The following MYH8 variants were observed in gnomAD, a reference collection of about 807,000 sequenced individuals.
MYH8 encodes the protein myosin heavy chain 8.
MYH8 carries 168 observed loss-of-function variants against 233.2 expected under a neutral mutation model. That is an observed-to-expected ratio of 0.72 (90% CI 0.64 to 0.82). MYH8 has a LOEUF of 0.82. MYH8 is among the 40% of genes least tolerant of loss of function. The probability of loss-of-function intolerance (pLI) is 0.00; values close to 1 mark genes in which losing one functional copy is unlikely to be tolerated. For missense variants in MYH8, 1,995 were observed against 2,327.8 expected, an observed-to-expected ratio of 0.86 and a Z score of 2.94; for synonymous variants, 785 against 850.6, an observed-to-expected ratio of 0.92 and a Z score of 1.34.
At position 10,419,124 on chromosome 17, in the gene MYH8, C is replaced by A; in HGVS notation, c.211-94G>T. On this transcript the variant is annotated intron_variant, in intron 3 of 39. Transcript: ENST00000403437. The surrounding 1 kb of genome is among the most constrained non-coding windows in gnomAD (Gnocchi z 4.0). ...CCAGGCTGGAGTGCAGTGGCGCGATCTCAGCTCACTGCAACCTCCGCCCTC... is the reference window on the plus strand; with the variant it reads ...CCAGGCTGGAGTGCAGTGGCGCGATATCAGCTCACTGCAACCTCCGCCCTC... The A allele has an allele frequency of 7.1e-7, 1 of 1,404,600 alleles. No homozygotes were observed. Among genetic ancestry groups the A allele is most frequent in the Non-Finnish European group, 1.0e-6 (1 of 1,004,254 alleles). The allele number at this position is 1,404,600 out of a possible 1,614,324, so 87.0% of individuals were successfully genotyped here.
intron 12 of MYH8, among the ~76,000 whole-genome samples, chr17:10,412,988 G>A (rs554748377): frequency 3.3e-5 from 5 of 152,210 alleles, no homozygotes; most frequent in East Asian, 1.9e-4. Context: ...ATTTATTGCC[G>A]TCTTGCAGTT....
intron 28 of MYH8, 132 bp downstream of exon 28, chr17:10,399,411 T>C: frequency 6.7e-7 from 1 of 1,498,426 alleles, no homozygotes; most frequent in Non-Finnish European, 9.2e-7. Flanking sequence ...ACTTCTTTCC[T>C]TTTTGACCTT....
Position 10,419,089 on chromosome 17 carries a change from C to T in MYH8, c.211-59G>A. Reference sequence around the variant, plus strand: ...TTTGTTTGTTTGAGATAGAGTTTTGCTTTTTTTGCCCAGGCTGGAGTGCAG... The same window carrying T: ...TTTGTTTGTTTGAGATAGAGTTTTGTTTTTTTTGCCCAGGCTGGAGTGCAG... On this transcript the variant is annotated intron_variant, in intron 3 of 39. Transcript: ENST00000403437. The surrounding 1 kb of genome is among the most constrained non-coding windows in gnomAD (Gnocchi z 4.0). 12 of 1,606,298 alleles carry T rather than the reference C, an allele frequency of 7.5e-6. No individual in the cohort carries two copies. Among genetic ancestry groups the T allele is most frequent in the Non-Finnish European group, 9.4e-6 (11 of 1,174,444 alleles).
Position 10,401,152 on chromosome 17 carries a change from C to A in MYH8, c.3148G>T (p.Asp1050Tyr). The A allele has an allele frequency of 1.2e-6, 2 of 1,613,766 alleles. No individual in the cohort carries two copies. Among genetic ancestry groups the A allele is most frequent in the South Asian group, 1.1e-5 (1 of 90,884 alleles). The change falls in exon 25 of 40, where the codon GAT (aspartate) becomes TAT (tyrosine). Residue 1050 changes from aspartate to tyrosine, a missense_variant. Physicochemically the swap from Asp to Tyr is radical, Grantham distance 160. Coordinates refer to ENST00000403437, the MANE Select transcript of MYH8 (RefSeq NM_002472.3). ...SLEQEKKLRMDLERAKRKLEG... is the reference protein window; with the variant it reads ...SLEQEKKLRMYLERAKRKLEG... ...AGTTTCCGCTTTGCTCTTTCTAGATCCATTCGAAGCTTCTTTTCTTGTTCC... is the reference window on the plus strand; with the variant it reads ...AGTTTCCGCTTTGCTCTTTCTAGATACATTCGAAGCTTCTTTTCTTGTTCC...
chr17:10,407,050 T>C, intron 17 of MYH8, 71 bp from the exon 18 acceptor site: 1 of 1,185,848 alleles, frequency 8.4e-7, no homozygotes, highest in South Asian at 1.3e-5. Flanking sequence ...TTATATGGAA[T>C]GAACCTAGAC....
chr17:10,394,999 T>C (rs2142169289), intron 34 of MYH8, 134 bp downstream of exon 34: 1 of 970,908 alleles, frequency 1.0e-6, no homozygotes, highest in South Asian at 1.4e-5. Context: ...TATGTGTATT[T>C]AATTCAGTTA....
chr17:10,397,082 T>A lies in MYH8; in HGVS notation c.4179-96A>T, dbSNP rs142246798. On this transcript the variant is annotated intron_variant, in intron 30 of 39. Transcript: ENST00000403437. The stretch of plus-strand genomic sequence containing the variant: ...TTTCACAGTCCTATTTCTTTTCTTT[T>A]CTTTTGTTTCTTTTTTTGAGAGACG... 222 of 1,376,490 alleles carry A rather than the reference T, an allele frequency of 1.6e-4. No homozygotes were observed. The African/African-American group carries it at 2.8e-3, about 17-fold the overall frequency. 85.3% of individuals were successfully genotyped at this position (1,376,490 alleles called of 1,614,324 possible).
chr17:10,401,291 T>C lies in MYH8; in HGVS notation c.3092A>G (p.Glu1031Gly). Reference sequence around the variant, plus strand: ...TGTGCTTACATCATCCACTTGCTGTTCTAGCTTGGTTTTAGCTTTGGTCAG... The same window carrying C: ...TGTGCTTACATCATCCACTTGCTGTCCTAGCTTGGTTTTAGCTTTGGTCAG... ...NILTKAKTKL[E>G]QQVDDLEGSL... is the part of the protein sequence containing the mutation. The change falls in exon 24 of 40, where the codon GAA (glutamate) becomes GGA (glycine). Residue 1031 changes from glutamate to glycine, a missense_variant. Physicochemically the swap from Glu to Gly is moderately conservative, Grantham distance 98. This residue lies in a region of MYH8 where 1,498 missense variants were observed against 1,680.9 expected (regional missense o/e 0.89). Transcript: ENST00000403437. The C allele has an allele frequency of 6.2e-7, 1 of 1,614,190 alleles. No homozygotes were observed. Among genetic ancestry groups the C allele is most frequent in the East Asian group, 2.2e-5 (1 of 44,884 alleles).
At position 10,396,558 on chromosome 17, in the gene MYH8, A is replaced by G. The variant is rs1453651895; in HGVS notation, c.4523T>C (p.Leu1508Ser). 1.2e-6 allele frequency: 2 copies of G among 1,613,946 alleles called. No individual in the cohort carries two copies. The highest frequency in any genetic ancestry group is 1.7e-6 in the Non-Finnish European group (2 of 1,179,982). ...GGAGGACTGTGAGGACTCACGTTGC[A>G]AGTTCTTATTTTCTCTTCTTAGCGT... ...LETLRRENKN[L>S]QQEISDLTEQ... The change falls in exon 32 of 40, where the codon TTG becomes TCG. Residue 1508 changes from leucine (L) to serine (S), a missense_variant. Transcript: ENST00000403437. The surrounding 1 kb of genome is among the most constrained non-coding windows in gnomAD (Gnocchi z 4.2).
At chr17:10,410,483 C>T (rs2072234604) in intron 15 of MYH8, among the ~76,000 whole-genome samples, 1 of 152,080 alleles carries the variant, frequency 6.6e-6, no homozygotes, top group Non-Finnish European at 1.5e-5. Context: ...AGATCAAGAA[C>T]TAATGAGGAC....
chr17:10,401,764 C>CA lies in MYH8; in HGVS notation c.2709dup (p.Ala904CysfsTer6). On this transcript the variant is annotated frameshift_variant, in exon 23 of 40. Transcript: ENST00000403437. LOFTEE classifies it high-confidence loss of function. ...ATCAGTTGCTCACACCTTTCCTCTG[C>CA]ATCAGCCAAGCTATCTGCTTCCTAT... is the stretch of plus-strand genomic sequence containing the variant. 6.2e-7 allele frequency: 1 copy of CA among 1,614,190 alleles called. No individual in the cohort carries two copies.
chr17:10,409,310 AC>A lies in MYH8; in HGVS notation c.1865del (p.Ser622IlefsTer37), dbSNP rs757829076. 1.2e-6 allele frequency: 2 copies of A among 1,614,248 alleles called. No homozygotes were observed. Among genetic ancestry groups the A allele is most frequent in the Non-Finnish European group, 1.7e-6 (2 of 1,180,042 alleles). ...CAGCACTAGCATACGTGGAAAAGAG[AC>A]TGGCTAGAGTCTTCATTGCAGACTT... ...YQKSAMKTLASLFSTYASAEA... is the reference protein window; with the variant it reads ...YQKSAMKTLAXLFSTYASAEA... On this transcript the variant is annotated frameshift_variant, in exon 16 of 40. Transcript: ENST00000403437. LOFTEE classifies it high-confidence loss of function.
intron 28 of MYH8, 58 bp downstream of exon 28, chr17:10,399,485 C>A: frequency 1.2e-6 from 2 of 1,610,626 alleles, no homozygotes; most frequent in South Asian, 1.1e-5. Flanking sequence ...TTTATTAGAA[C>A]CCCTAGAATC....
chr17:10,407,106 T>TGTATTTTGAG, intron 17 of MYH8, 127 bp from the exon 18 acceptor site: 1 of 776,714 alleles, frequency 1.3e-6, no homozygotes, highest in Non-Finnish European at 2.2e-6. Flanking sequence ...TCAATTGCTC[T>TGTATTTTGAG]GTATTTTGAG....
intron 22 of MYH8, among the ~76,000 whole-genome samples, chr17:10,403,811 T>C (rs1164823308): frequency 1.3e-5 from 2 of 152,104 alleles, no homozygotes; most frequent in Non-Finnish European, 2.9e-5. Context: ...AAACAGACTC[T>C]AGGAACTAGA....
In MYH8 at chr17:10,415,216, C is replaced by T; in HGVS notation, c.742-37G>A. Reference sequence around the variant, plus strand: ...TATTTAGTATTAGAAAACTGAAACACAAAGAGAGATGCAAATGAAATAATA... The same window carrying T: ...TATTTAGTATTAGAAAACTGAAACATAAAGAGAGATGCAAATGAAATAATA... On this transcript the variant is annotated intron_variant, in intron 8 of 39. Coordinates refer to ENST00000403437, the MANE Select transcript of MYH8 (RefSeq NM_002472.3). This position sits in a 1 kb window ranked among gnomAD's most constrained non-coding sequence, Gnocchi z 4.1. The T allele has an allele frequency of 6.2e-7, 1 of 1,605,032 alleles. No homozygotes were observed.
chr17:10,401,897 T>C (rs1330760458), intron 22 of MYH8, 112 bp from the exon 23 acceptor site: 11 of 1,399,444 alleles, frequency 7.9e-6, no homozygotes, highest in Non-Finnish European at 1.0e-5. Flanking sequence ...TTTTTCAGTA[T>C]GAATATAAAT....
intron 35 of MYH8, among the ~76,000 whole-genome samples, chr17:10,393,781 TGGGCA>T (rs1192013333): frequency 6.6e-6 from 1 of 152,136 alleles, no homozygotes. Flanking sequence ...ATTTAATGCC[TGGGCA>T]GGTTAGGAAT....
intron 22 of MYH8, among the ~76,000 whole-genome samples, chr17:10,402,727 A>G (rs1185403148): frequency 6.6e-6 from 1 of 152,202 alleles, no homozygotes; most frequent in African/African-American, 2.4e-5. Flanking sequence ...ATTCTCCTAT[A>G]TAACTACAAT....
Sources: gnomAD v4.1 joint callset for allele counts (sites outside exome capture counted in the v4.1 genomes callset) on GRCh38, gnomAD v4.1.1 for gene constraint, gnomAD v4.1.1 regional missense constraint, Gnocchi (gnomAD v3.1) non-coding constraint, MANE v1.5 for transcripts, NCBI Gene and HGNC (gene_info 2026-07-23, HGNC 2026-07-21) for gene names.